ABCC5: variants seen among roughly 807,000 people sequenced by gnomAD.
ABCC5 encodes ATP binding cassette subfamily C member 5.
ABCC5 carries 61 observed loss-of-function variants against 160.9 expected under a neutral mutation model. The observed-to-expected ratio is 0.38, with a 90% CI of 0.31 to 0.47. The LOEUF is 0.47. ABCC5 is among the 20% of genes least tolerant of loss of function. The pLI is 0.99. For synonymous variants in ABCC5, 666 were observed against 700.6 expected (o/e 0.95, Z 0.78); for missense variants, 1,308 against 1,813.3 (o/e 0.72, Z 5.06).
At chr3:183,932,133 T>C (rs1713239109) in intron 26 of ABCC5, among the ~76,000 whole-genome samples, 3 of 152,258 alleles carry the variant, frequency 2.0e-5, no homozygotes. Context: ...TAAACCATGC[T>C]GCCCTGTCAT....
chr3:184,006,298 A>G (rs1357647207), intron 2 of ABCC5: 3 of 100,066 alleles, frequency 3.0e-5, no homozygotes, highest in Non-Finnish European at 6.1e-5. Context: ...ACAGGGAGAG[A>G]AGAAAAAAAA....
At chr3:183,990,252 G>A (rs570310718) in intron 2 of ABCC5, among the ~76,000 whole-genome samples, 6 of 151,600 alleles carry the variant, frequency 4.0e-5, no homozygotes, top group South Asian at 2.1e-4. Flanking sequence ...GGTTACAGGC[G>A]TGCACCACCA....
chr3:183,949,897 G>A lies in ABCC5; in HGVS notation c.3099-16C>T, dbSNP rs1715181892. 6.2e-7 allele frequency: 1 copy of A among 1,614,080 alleles called. No homozygotes were observed. Among genetic ancestry groups the A allele is most frequent in the Non-Finnish European group, 8.5e-7 (1 of 1,180,030 alleles). On this transcript the variant is annotated splice_polypyrimidine_tract_variant and intron_variant, in intron 21 of 29. Transcript: ENST00000334444. This position sits in a 1 kb window ranked among gnomAD's most constrained non-coding sequence, Gnocchi z 4.2. ...AATCAGGACCCTGGAGAGAGAATGA[G>A]CTCCGTGTCACAGCACCTACCCAGC...
chr3:183,928,791 CT>C lies in ABCC5; in HGVS notation c.3888del (p.Asp1297ThrfsTer12). The C allele has an allele frequency of 6.2e-7, 1 of 1,614,166 alleles. No homozygotes were observed. The highest frequency in any genetic ancestry group is 8.5e-7 in the Non-Finnish European group (1 of 1,180,020). ...CTCTCCAGGGCATCCCAAATCTGGT[CT>C]TCAGTGTACTGGTTGAAGGGGTCCA... The part of the protein sequence containing the change: ...SNLDPFNQYT[E>X]DQIWDALERT... On this transcript the variant is annotated frameshift_variant, in exon 27 of 30. Transcript: ENST00000334444. LOFTEE classifies it high-confidence loss of function.
At chr3:183,969,969 T>C (rs115502784) in intron 11 of ABCC5, among the ~76,000 whole-genome samples, 119 of 152,328 alleles carry the variant, frequency 7.8e-4, no homozygotes, top group Middle Eastern at 3.4e-3. Flanking sequence ...ACCAGCAACC[T>C]TGATCTAAGA....
chr3:184,015,914 G>A (rs1250163490), intron 1 of ABCC5, among the ~76,000 whole-genome samples: 3 of 152,174 alleles, frequency 2.0e-5, no homozygotes, highest in Admixed American at 6.5e-5. Context: ...GGGTTCCCTA[G>A]CTTAGCTGAT....
intron 1 of ABCC5, 125 bp from the exon 2 acceptor site, chr3:184,014,572 G>T: frequency 2.2e-6 from 1 of 445,380 alleles, no homozygotes; most frequent in Non-Finnish European, 3.5e-6. Context: ...TACTGTTATA[G>T]CTACAAAAAT....
At chr3:183,961,850 G>A (rs1716772311) in intron 15 of ABCC5, among the ~76,000 whole-genome samples, 196 bp from the exon 16 acceptor site, 2 of 152,186 alleles carry the variant, frequency 1.3e-5, no homozygotes, top group South Asian at 4.1e-4. Context: ...CGCAATCTCG[G>A]TTCACTGCAA....
rs1426424392 is a variant in ABCC5 at position 184,017,031 on chromosome 3, C to T, written c.-56+799G>A. ...CACACCCACTGTAATCCACTTGTTG[C>T]GTCTCCAAGCAGCCTCACCTTTCAT... On this transcript the variant is annotated intron_variant, in intron 1 of 29. Coordinates refer to ENST00000334444, the MANE Select transcript of ABCC5 (RefSeq NM_005688.4). The surrounding 1 kb of genome is among the most constrained non-coding windows in gnomAD (Gnocchi z 4.5). Among the ~76,000 whole-genome samples the T allele has an allele frequency of 2.0e-5, 3 of 152,192 alleles. No homozygotes were observed. In the East Asian group the frequency reaches 5.8e-4, roughly 29 times the overall value.
chr3:183,922,426 A>G (rs1712097690), intron 29 of ABCC5, among the ~76,000 whole-genome samples: 1 of 152,202 alleles, frequency 6.6e-6, no homozygotes, highest in Non-Finnish European at 1.5e-5. Context: ...TGCAGGGGAG[A>G]GAAGTTGCAG....
In ABCC5 at chr3:183,949,984, T is replaced by A; in HGVS notation, c.3086A>T (p.His1029Leu). 3.7e-6 allele frequency: 6 copies of A among 1,614,152 alleles called. No individual in the cohort carries two copies. The highest frequency in any genetic ancestry group is 5.1e-6 in the Non-Finnish European group (6 of 1,180,032). ...GCTTCCTATTTACCTGGAGACAATG[T>A]GCAGGACTGAAAAGAGGATGACAAG... ...GPLVILFSVL[H>L]IVSRVLIREL... is the part of the protein sequence containing the mutation. The change falls in exon 21 of 30, where the codon CAC (histidine) becomes CTC (leucine). Residue 1029 changes from histidine to leucine, a missense_variant. This residue lies in a region of ABCC5 where 1,142 missense variants were observed against 1,527.1 expected (regional missense o/e 0.75). Coordinates refer to ENST00000334444, the MANE Select transcript of ABCC5 (RefSeq NM_005688.4). The surrounding 1 kb of genome is among the most constrained non-coding windows in gnomAD (Gnocchi z 4.2).
intron 25 of ABCC5, 79 bp downstream of exon 25, chr3:183,942,648 C>A: frequency 6.5e-7 from 1 of 1,537,192 alleles, no homozygotes; most frequent in Non-Finnish European, 8.9e-7. Flanking sequence ...AAACAAGGAT[C>A]CGGTTTAAAG....
At chr3:183,965,041 A>G in intron 14 of ABCC5, 144 bp downstream of exon 14, 1 of 746,574 alleles carries the variant, frequency 1.3e-6, no homozygotes, top group South Asian at 1.8e-5. Context: ...TAATGGACAC[A>G]TGCTTTCCTA....
At chr3:184,010,134 G>T (rs1721591347) in intron 2 of ABCC5, among the ~76,000 whole-genome samples, 1 of 152,024 alleles carries the variant, frequency 6.6e-6, no homozygotes, top group Non-Finnish European at 1.5e-5. Context: ...TGGTAACAGA[G>T]AACAGCAGGT....
At chr3:183,984,763 A>G in intron 5 of ABCC5, 1 of 1,541,882 alleles carries the variant, frequency 6.5e-7, no homozygotes, top group Non-Finnish European at 8.7e-7. Context: ...CCAGTATGCA[A>G]TCCAAAATGT....
chr3:183,995,871 G>C (rs1055425932), intron 2 of ABCC5, among the ~76,000 whole-genome samples: 19 of 151,878 alleles, frequency 1.3e-4, no homozygotes, highest in African/African-American at 4.1e-4. Context: ...GCAGTGGTGC[G>C]ACCTAAGCTC....
intron 10 of ABCC5, 92 bp downstream of exon 10, chr3:183,977,425 T>A: frequency 1.1e-6 from 1 of 890,404 alleles, no homozygotes; most frequent in Non-Finnish European, 1.7e-6. Flanking sequence ...TTAAGCCCAG[T>A]GAGGCCAGCC....
chr3:183,957,903 T>A (rs1251284668), intron 17 of ABCC5, among the ~76,000 whole-genome samples: 1 of 149,122 alleles, frequency 6.7e-6, no homozygotes, highest in Admixed American at 6.6e-5. Flanking sequence ...ATCGGTTACA[T>A]GCGGATCCGT....
chr3:183,952,826 A>T (rs1715503873), intron 18 of ABCC5, among the ~76,000 whole-genome samples: 1 of 152,120 alleles, frequency 6.6e-6, no homozygotes, highest in South Asian at 2.1e-4. Context: ...TAGCAGTGCA[A>T]AAATGGACTA....
Sources: gnomAD v4.1 joint callset for allele counts (sites outside exome capture counted in the v4.1 genomes callset) on GRCh38, gnomAD v4.1.1 for gene constraint, gnomAD v4.1.1 regional missense constraint, Gnocchi (gnomAD v3.1) non-coding constraint, MANE v1.5 for transcripts, NCBI Gene and HGNC (gene_info 2026-07-23, HGNC 2026-07-21) for gene names.